The following NFATC3 variants were observed in gnomAD, a reference collection of about 807,000 sequenced individuals.
NFATC3 encodes the protein nuclear factor of activated T-cells, cytoplasmic 3.
NFATC3 carries 46 observed loss-of-function variants against 98.6 expected under a neutral mutation model. That is an observed-to-expected ratio of 0.47 (90% CI 0.37 to 0.60). The LOEUF is 0.60. Among genes scored for constraint, NFATC3 ranks in the 20% least tolerant of loss-of-function variants. NFATC3 has a pLI of 0.00. For missense variants in NFATC3, 1,256 were observed against 1,295.5 expected (o/e 0.97, Z 0.47); for synonymous variants, 512 against 472.2 (o/e 1.08, Z -1.09).
intron 9 of NFATC3, among the ~76,000 whole-genome samples, chr16:68,201,372 C>T (rs1456003592): frequency 1.3e-5 from 2 of 152,078 alleles, no homozygotes; most frequent in Non-Finnish European, 2.9e-5. Context: ...GCAGGGACTA[C>T]AGGCACACAC....
chr16:68,226,271 G>T, intron 9 of NFATC3, 79 bp from the exon 10 acceptor site: 1 of 1,484,866 alleles, frequency 6.7e-7, no homozygotes, highest in Non-Finnish European at 9.0e-7. Flanking sequence ...GGAAATGTCT[G>T]AGGTAGAGCT....
intron 9 of NFATC3, among the ~76,000 whole-genome samples, chr16:68,206,851 T>C (rs977190561): frequency 3.3e-5 from 5 of 151,720 alleles, no homozygotes; most frequent in African/African-American, 1.2e-4. Flanking sequence ...GGCGTGGTGG[T>C]GTGCGCCTGT....
intron 3 of NFATC3, among the ~76,000 whole-genome samples, chr16:68,133,571 G>A (rs2037227821): frequency 6.6e-6 from 1 of 152,066 alleles, no homozygotes; most frequent in South Asian, 2.1e-4. Flanking sequence ...CACTTCATGA[G>A]TCTCCCTTGT....
chr16:68,163,810 C>G (rs1300526301), intron 4 of NFATC3, among the ~76,000 whole-genome samples: 2 of 150,990 alleles, frequency 1.3e-5, no homozygotes. Flanking sequence ...GATGGGCGGC[C>G]GGGCAGAGAC....
chr16:68,112,633 T>G (rs2036020757), intron 1 of NFATC3, among the ~76,000 whole-genome samples: 2 of 81,872 alleles, frequency 2.4e-5, no homozygotes, highest in Admixed American at 2.2e-4. Flanking sequence ...TTTCTTTTCA[T>G]TTTTTCTTTT....
chr16:68,098,064 C>G (rs1438144906), intron 1 of NFATC3, among the ~76,000 whole-genome samples: 2 of 151,828 alleles, frequency 1.3e-5, no homozygotes, highest in African/African-American at 4.8e-5. Context: ...GGAGTAGTTG[C>G]CATTATGTAT....
chr16:68,100,109 G>A (rs1183621122), intron 1 of NFATC3, among the ~76,000 whole-genome samples: 3 of 152,114 alleles, frequency 2.0e-5, no homozygotes, highest in African/African-American at 7.2e-5. Flanking sequence ...CAGTTTAATT[G>A]TTTACCCATT....
intron 9 of NFATC3, among the ~76,000 whole-genome samples, chr16:68,201,426 G>A (rs1042094659): frequency 1.3e-5 from 2 of 150,254 alleles, no homozygotes; most frequent in Non-Finnish European, 3.0e-5. Context: ...GTTTGTTTTT[G>A]TTTTTTTTAT....
At chr16:68,195,428 G>T (rs2151122506) in intron 9 of NFATC3, among the ~76,000 whole-genome samples, 1 of 152,226 alleles carries the variant, frequency 6.6e-6, no homozygotes, top group South Asian at 2.1e-4. Context: ...CTGGCCACTT[G>T]GGAATGTGAG....
At position 68,085,701 on chromosome 16, in the gene NFATC3, G is replaced by A. The variant is rs1329242552; in HGVS notation, c.20G>A (p.Gly7Asp). The stretch of plus-strand genomic sequence containing the variant: ...ACGCCGATGACTACTGCAAACTGTG[G>A]CGCCCACGACGAGCTCGACTTCAAA... The part of the protein sequence containing the change: MTTANC[G>D]AHDELDFKLV... The change falls in exon 1 of 10, where the codon GGC becomes GAC. Residue 7 changes from glycine to aspartate, a missense_variant. Transcript: ENST00000346183. 23 of 1,515,486 alleles carry A rather than the reference G, an allele frequency of 1.5e-5. No individual in the cohort carries two copies. The highest frequency in any genetic ancestry group is 1.9e-5 in the Non-Finnish European group (21 of 1,133,848). The allele number at this position is 1,515,486 out of a possible 1,614,324, so 93.9% of individuals were successfully genotyped here. A position where few individuals can be genotyped will look rare whatever the true frequency, so the allele number is the denominator to read the frequency against.
At chr16:68,203,490 G>A (rs550540874) in intron 9 of NFATC3, among the ~76,000 whole-genome samples, 5 of 152,124 alleles carry the variant, frequency 3.3e-5, no homozygotes, top group African/African-American at 1.2e-4. Context: ...GAATTAGGCC[G>A]GGTGTGGTGG....
intron 6 of NFATC3, among the ~76,000 whole-genome samples, chr16:68,176,350 C>CTTTTTTTTTTTTTT (rs534346720): frequency 6.9e-6 from 1 of 143,892 alleles, no homozygotes; most frequent in Non-Finnish European, 1.5e-5. Flanking sequence ...TGCTCAACAT[C>CTTTTTTTTTTTTTT]TTTTTTTTTT....
intron 1 of NFATC3, among the ~76,000 whole-genome samples, chr16:68,090,658 A>T (rs2034662176): frequency 6.6e-6 from 1 of 152,154 alleles, no homozygotes; most frequent in Non-Finnish European, 1.5e-5. Flanking sequence ...TTCTTAGTAC[A>T]ATGTGAAAGT....
intron 9 of NFATC3, among the ~76,000 whole-genome samples, chr16:68,203,657 A>G (rs1365128963): frequency 6.6e-6 from 1 of 152,228 alleles, no homozygotes; most frequent in Non-Finnish European, 1.5e-5. Flanking sequence ...GCAATTAAAA[A>G]TATAATTTAT....
chr16:68,185,115 G>T (rs1206320650), intron 8 of NFATC3, among the ~76,000 whole-genome samples: 1 of 151,842 alleles, frequency 6.6e-6, no homozygotes, highest in Non-Finnish European at 1.5e-5. Flanking sequence ...AGCCTCCCAA[G>T]TAGCTGGGAT....
In NFATC3 at chr16:68,085,614, T is replaced by TGCTGCCGCCGCTTGCC. The variant is rs1181850926; in HGVS notation, c.-56_-41dup. On this transcript the variant is annotated 5_prime_UTR_variant, in exon 1 of 10. Coordinates refer to ENST00000346183, the MANE Select transcript of NFATC3 (RefSeq NM_173165.3). ...CCGGCATGAAGCGGCGTTGAGGAGC[T>TGCTGCCGCCGCTTGCC]GCTGCCGCCGCTTGCCGCTGCCGCC... The TGCTGCCGCCGCTTGCC allele has an allele frequency of 4.3e-5, 59 of 1,380,310 alleles. No homozygotes were observed. Among genetic ancestry groups the TGCTGCCGCCGCTTGCC allele is most frequent in the Middle Eastern group, 2.4e-4 (1 of 4,096 alleles). 85.5% of individuals were successfully genotyped at this position (1,380,310 alleles called of 1,614,324 possible).
chr16:68,170,208 C>T (rs1373334202), intron 5 of NFATC3, among the ~76,000 whole-genome samples: 3 of 151,596 alleles, frequency 2.0e-5, no homozygotes, highest in East Asian at 3.9e-4. Context: ...CTGGCCAACA[C>T]GATGAAACCC....
chr16:68,156,885 G>A (rs1188185784), intron 3 of NFATC3, among the ~76,000 whole-genome samples: 1 of 152,144 alleles, frequency 6.6e-6, no homozygotes, highest in Admixed American at 6.5e-5. Context: ...GTTGCACTGA[G>A]CAGAGATCGT....
Position 68,122,398 on chromosome 16 carries a change from C to T in NFATC3, c.515C>T (p.Ser172Phe), listed in dbSNP as rs747017040. ...CCTAGTCCTGCCAGCAGCATCTCTT[C>T]TAGGAGTTGGTTCTCTGATGCATCT... ...LSPSPASSISSRSWFSDASSC... is the reference protein window; with the variant it reads ...LSPSPASSISFRSWFSDASSC... The change falls in exon 2 of 10, where the codon TCT becomes TTT. Residue 172 changes from serine (S) to phenylalanine (F), a missense_variant. Around this residue, in one of 3 missense-constraint regions of NFATC3, gnomAD observed 464 missense variants for 465.7 expected, o/e 1.00. Transcript: ENST00000346183. The T allele has an allele frequency of 1.2e-6, 2 of 1,614,010 alleles. No individual in the cohort carries two copies. Among genetic ancestry groups the T allele is most frequent in the Admixed American group, 1.7e-5 (1 of 59,996 alleles).
Sources: allele counts gnomAD v4.1 joint callset (sites outside exome capture counted in the v4.1 genomes callset), GRCh38; gene constraint gnomAD v4.1.1; regional missense constraint gnomAD v4.1.1; transcripts MANE v1.5; gene names NCBI Gene and HGNC (gene_info 2026-07-23, HGNC 2026-07-21).